Variants in PCBP3 observed in about 807,000 individuals in gnomAD.
PCBP3 encodes poly(rC) binding protein 3, also known as poly(rC)-binding protein 3.
PCBP3 carries 25 observed loss-of-function variants against 52.7 expected under a neutral mutation model. The observed-to-expected ratio is 0.47, with a 90% CI of 0.35 to 0.66. PCBP3 has a LOEUF of 0.66. Ranked by LOEUF, PCBP3 falls within the 30% of genes least tolerant of loss-of-function variation. PCBP3 has a pLI of 0.01. For synonymous variants in PCBP3, 162 were observed against 183.0 expected (o/e 0.89, Z 0.93); for missense variants, 391 against 490.3 (o/e 0.80, Z 1.91).
chr21:45,816,265 T>C (rs1237233659), intron 4 of PCBP3, among the ~76,000 whole-genome samples: 1 of 152,130 alleles, frequency 6.6e-6, no homozygotes, highest in African/African-American at 2.4e-5. Flanking sequence ...AATAATAAAT[T>C]AACCTTAGCT....
rs573079552 is a variant in PCBP3 at position 45,655,823 on chromosome 21, C to A, written c.-279+11955C>A. Among the ~76,000 whole-genome samples, 91 of 152,066 alleles carry A rather than the reference C, an allele frequency of 6.0e-4. 1 individual carries two copies. Among genetic ancestry groups the A allele is most frequent in the Non-Finnish European group, 1.0e-3 (71 of 67,970 alleles). ...TAAACAAATTTTCAAGAAAAAAAAA[C>A]CCATCAAAAAGTGGGCAAGGCATAT... On this transcript the variant is annotated intron_variant, in intron 1 of 17. Coordinates refer to ENST00000681687, the MANE Select transcript of PCBP3 (RefSeq NM_001384156.1).
chr21:45,738,931 T>C (rs1393915833), intron 3 of PCBP3, among the ~76,000 whole-genome samples: 1 of 111,402 alleles, frequency 9.0e-6, no homozygotes, highest in Non-Finnish European at 1.8e-5. Flanking sequence ...CCCCCCATCT[T>C]CATCAGCCCA....
chr21:45,857,892 C>T (rs1382959382), intron 5 of PCBP3, among the ~76,000 whole-genome samples: 4 of 152,238 alleles, frequency 2.6e-5, no homozygotes, highest in Admixed American at 6.5e-5. Flanking sequence ...AGGGCTGCCC[C>T]CCAGGGCCTT....
At chr21:45,663,151 G>A (rs992579506) in intron 1 of PCBP3, among the ~76,000 whole-genome samples, 37 of 92,496 alleles carry the variant, frequency 4.0e-4, no homozygotes, top group Non-Finnish European at 7.0e-4. Flanking sequence ...AAATAATGGC[G>A]TAAGCTGTCT....
At chr21:45,790,390 C>A (rs1183516631) in intron 4 of PCBP3, among the ~76,000 whole-genome samples, 1 of 152,144 alleles carries the variant, frequency 6.6e-6, no homozygotes, top group Non-Finnish European at 1.5e-5. Flanking sequence ...GCACTTGCAT[C>A]GAGGGCAGCC....
chr21:45,739,496 A>C (rs1443663069), intron 3 of PCBP3, among the ~76,000 whole-genome samples: 2 of 44,380 alleles, frequency 4.5e-5, no homozygotes, highest in Non-Finnish European at 8.8e-5. Flanking sequence ...TGGCCCCCCG[A>C]TCTTCAGCCC....
intron 4 of PCBP3, among the ~76,000 whole-genome samples, chr21:45,789,387 CGAGT>C (rs2091384705): frequency 6.6e-6 from 1 of 151,988 alleles, no homozygotes. Flanking sequence ...TATGAGTGCA[CGAGT>C]GTGTGCATGT....
At chr21:45,769,444 G>A (rs1033380714) in intron 4 of PCBP3, among the ~76,000 whole-genome samples, 1 of 152,268 alleles carries the variant, frequency 6.6e-6, no homozygotes, top group Non-Finnish European at 1.5e-5. Context: ...TGGGCGCATC[G>A]CCTGTGCGTG....
At position 45,802,183 on chromosome 21, in the gene PCBP3, G is replaced by A. The variant is rs559115254; in HGVS notation, c.-126+46731G>A. On this transcript the variant is annotated intron_variant, in intron 4 of 17. Transcript: ENST00000681687. This position sits in a 1 kb window ranked among gnomAD's most constrained non-coding sequence, Gnocchi z 5.1. ...AAGCTCTTTCTGCCCACATTCTCCT[G>A]GTAGCGGCTCTGCAGCTGGGCGCTG... Among the ~76,000 whole-genome samples the A allele has an allele frequency of 2.6e-5, 4 of 152,322 alleles. No homozygotes were observed. The highest frequency in any genetic ancestry group is 7.2e-5 in the African/African-American group (3 of 41,572).
intron 4 of PCBP3, among the ~76,000 whole-genome samples, chr21:45,842,544 G>T (rs1386911812): frequency 1.3e-5 from 2 of 152,118 alleles, no homozygotes; most frequent in Admixed American, 1.3e-4. Context: ...CTCAGTGTTG[G>T]CCTCTGTTGA....
rs2093401120 is a variant in PCBP3, at chr21:45,829,767, C to A, written c.-125-20194C>A. 1.3e-5 allele frequency: 2 copies of A among 152,392 alleles called. No individual in the cohort carries two copies. The highest frequency in any genetic ancestry group is 1.3e-4 in the Admixed American group (2 of 15,292). The allele number at this position is 152,392 out of a possible 1,614,324, so 9.4% of individuals were successfully genotyped here. On this transcript the variant is annotated intron_variant, in intron 4 of 17. Transcript: ENST00000681687. This position sits in a 1 kb window ranked among gnomAD's most constrained non-coding sequence, Gnocchi z 5.2. Reference sequence around the variant, plus strand: ...TGCCCAGGCACCCTGCAGGGCCCTCCCCACCTGCCCCCCAGGCTCATACAT... The same window carrying A: ...TGCCCAGGCACCCTGCAGGGCCCTCACCACCTGCCCCCCAGGCTCATACAT...
intron 4 of PCBP3, among the ~76,000 whole-genome samples, chr21:45,797,939 G>C (rs1274219849): frequency 7.3e-4 from 1 of 1,376 alleles, no homozygotes; most frequent in Non-Finnish European, 1.8e-3. Context: ...TGCCTACATG[G>C]ATGAATGCAT....
intron 4 of PCBP3, among the ~76,000 whole-genome samples, chr21:45,835,304 G>A (rs1279325654): frequency 1.3e-5 from 2 of 152,082 alleles, no homozygotes; most frequent in South Asian, 2.1e-4. Context: ...CACAAGACTC[G>A]CCCCACTCCG....
Position 45,736,220 on chromosome 21 carries a change from C to T in PCBP3, c.-162+791C>T, listed in dbSNP as rs2085859663. Among the ~76,000 whole-genome samples, 1 of 152,196 alleles carries T rather than the reference C, an allele frequency of 6.6e-6. No homozygotes were observed. The highest frequency in any genetic ancestry group is 2.4e-5 in the African/African-American group (1 of 41,430). On this transcript the variant is annotated intron_variant, in intron 3 of 17. Transcript: ENST00000681687. The surrounding 1 kb of genome is among the most constrained non-coding windows in gnomAD (Gnocchi z 4.6). ...TCACTCCCTTCTTCCTCCCAGTGCC[C>T]CTTTGAGATAGGGATTGTTATTCCC...
intron 4 of PCBP3, among the ~76,000 whole-genome samples, chr21:45,776,776 G>A (rs577658616): frequency 2.6e-5 from 4 of 151,918 alleles, no homozygotes; most frequent in East Asian, 1.9e-4. Context: ...CTAGTTTCTC[G>A]TAAGCAGCAT....
intron 4 of PCBP3, chr21:45,763,108 AGCAGTGCTCG>A (rs1183574412): frequency 6.6e-6 from 1 of 152,256 alleles, no homozygotes; most frequent in East Asian, 1.9e-4. Flanking sequence ...TCACTGGAGC[AGCAGTGCTCG>A]GCGACTCTCC....
intron 2 of PCBP3, among the ~76,000 whole-genome samples, chr21:45,690,921 C>A (rs1182912468): frequency 6.6e-6 from 1 of 152,044 alleles, no homozygotes; most frequent in African/African-American, 2.4e-5. Flanking sequence ...GGAGAGTAAA[C>A]CACTCAACCA....
At chr21:45,865,067 C>T (rs1032115658) in intron 5 of PCBP3, among the ~76,000 whole-genome samples, 18 of 152,206 alleles carry the variant, frequency 1.2e-4, no homozygotes, top group African/African-American at 3.9e-4. Context: ...GGGAATTTTT[C>T]TCTCATTTCA....
chr21:45,819,199 T>A (rs1054847312), intron 4 of PCBP3, among the ~76,000 whole-genome samples: 11 of 151,962 alleles, frequency 7.2e-5, no homozygotes, highest in East Asian at 3.9e-4. Context: ...TTGTGACTCA[T>A]GTACTGCTCT....
Sources: allele counts gnomAD v4.1 joint callset (sites outside exome capture counted in the v4.1 genomes callset), GRCh38; gene constraint gnomAD v4.1.1; non-coding constraint Gnocchi (gnomAD v3.1); transcripts MANE v1.5; gene names NCBI Gene and HGNC (gene_info 2026-07-23, HGNC 2026-07-21).